Variants in ARNT observed in about 807,000 individuals in gnomAD.
ARNT encodes the protein class E basic helix-loop-helix protein 2.
ARNT carries 30 observed loss-of-function variants against 105.0 expected under a neutral mutation model. That is an observed-to-expected ratio of 0.29 (90% CI 0.21 to 0.39). ARNT has a LOEUF of 0.39. ARNT is among the 10% of genes least tolerant of loss of function. The pLI, the probability that ARNT is intolerant of heterozygous loss-of-function variation, is 1.00. For missense variants in ARNT, 748 were observed against 978.7 expected (o/e 0.76, Z 3.15); for synonymous variants, 304 against 344.0 (o/e 0.88, Z 1.29).
At chr1:150,873,400 A>G (rs768627551) in intron 1 of ARNT, among the ~76,000 whole-genome samples, 3 of 152,208 alleles carry the variant, frequency 2.0e-5, no homozygotes, top group Non-Finnish European at 4.4e-5. Context: ...CTTGCCAGTG[A>G]TAAGTAGAAC....
At chr1:150,842,339 AAG>A (rs2101992176) in intron 5 of ARNT, 83 bp downstream of exon 5, 1 of 1,543,858 alleles carries the variant, frequency 6.5e-7, no homozygotes, top group East Asian at 2.3e-5. Context: ...TACAAAGAGA[AAG>A]GGGAAGAAAA....
intron 14 of ARNT, among the ~76,000 whole-genome samples, chr1:150,819,527 G>A (rs754622824): frequency 7.9e-5 from 12 of 152,004 alleles, no homozygotes; most frequent in Non-Finnish European, 1.6e-4. Context: ...GTCCATTAAC[G>A]AACATACAGA....
chr1:150,832,118 T>C (rs1347752187), intron 9 of ARNT, among the ~76,000 whole-genome samples: 1 of 152,116 alleles, frequency 6.6e-6, no homozygotes, highest in African/African-American at 2.4e-5. Flanking sequence ...TAAAATAGCA[T>C]AGCGACTTCC....
intron 14 of ARNT, among the ~76,000 whole-genome samples, chr1:150,818,745 T>G (rs1424599042): frequency 1.3e-5 from 1 of 74,572 alleles, no homozygotes; most frequent in Non-Finnish European, 2.6e-5. Flanking sequence ...TGAGACACTG[T>G]CTCAATGAAA....
intron 13 of ARNT, among the ~76,000 whole-genome samples, chr1:150,825,685 C>T (rs1322814688): frequency 6.6e-6 from 1 of 151,966 alleles, no homozygotes; most frequent in Non-Finnish European, 1.5e-5. Flanking sequence ...CCCGCCTCTA[C>T]TAAAAATACA....
At chr1:150,855,207 AT>A (rs1664368160) in intron 2 of ARNT, among the ~76,000 whole-genome samples, 1 of 152,148 alleles carries the variant, frequency 6.6e-6, no homozygotes, top group African/African-American at 2.4e-5. Context: ...CTTCAAAACA[AT>A]TTAGATGTCC....
Position 150,810,855 on chromosome 1 carries a change from G to A in ARNT, c.*1166C>T, listed in dbSNP as rs1275964840. 2 of 223,506 alleles carry A rather than the reference G, an allele frequency of 8.9e-6. No individual in the cohort carries two copies. Among genetic ancestry groups the A allele is most frequent in the African/African-American group, 4.5e-5 (2 of 44,752 alleles). 13.8% of individuals were successfully genotyped at this position (223,506 alleles called of 1,614,324 possible). ...GGGAGCAAAGAGGAAAAACCTCTTA[G>A]GGCCAGAGAGACTTAAATCTCAGTT... On this transcript the variant is annotated 3_prime_UTR_variant, in exon 22 of 22. Coordinates refer to ENST00000358595, the MANE Select transcript of ARNT (RefSeq NM_001668.4).
intron 2 of ARNT, among the ~76,000 whole-genome samples, chr1:150,855,086 G>A (rs993254010): frequency 4.6e-5 from 7 of 151,986 alleles, no homozygotes; most frequent in South Asian, 2.1e-4. Context: ...ATGAGCCTCC[G>A]TGCTCAGCCC....
chr1:150,834,915 A>G (rs1660027193), intron 7 of ARNT: 1 of 367,350 alleles, frequency 2.7e-6, no homozygotes, highest in East Asian at 5.5e-5. Flanking sequence ...AACAAGAGGC[A>G]AGGCTATATT....
chr1:150,816,132 A>G, intron 19 of ARNT, 127 bp downstream of exon 19: 1 of 1,228,130 alleles, frequency 8.1e-7, no homozygotes, highest in South Asian at 1.5e-5. Context: ...AAAGATGGAA[A>G]TTGGAAACCG....
At chr1:150,855,763 ATGGT>A (rs1664489802) in intron 2 of ARNT, among the ~76,000 whole-genome samples, 1 of 149,700 alleles carries the variant, frequency 6.7e-6, no homozygotes, top group East Asian at 2.0e-4. Flanking sequence ...ATAGCCAGGT[ATGGT>A]GCCATGTGCC....
intron 1 of ARNT, among the ~76,000 whole-genome samples, chr1:150,863,991 AC>A (rs1368599472): frequency 2.0e-5 from 3 of 152,208 alleles, no homozygotes; most frequent in African/African-American, 7.2e-5. Flanking sequence ...GTATACTTAC[AC>A]AAATCTAGAT....
Position 150,818,033 on chromosome 1 carries a change from A to G in ARNT, c.1395-3T>C. Reference sequence around the variant, plus strand: ...GCCGTGGTTCTTGGCTAGAGTTCCTAGGAAACCAGAGTAGACAGTAAAGAG... The same window carrying G: ...GCCGTGGTTCTTGGCTAGAGTTCCTGGGAAACCAGAGTAGACAGTAAAGAG... On this transcript the variant is annotated splice_region_variant and splice_polypyrimidine_tract_variant and intron_variant, in intron 14 of 21. Coordinates refer to ENST00000358595, the MANE Select transcript of ARNT (RefSeq NM_001668.4). 2 of 1,598,182 alleles carry G rather than the reference A, an allele frequency of 1.3e-6. No homozygotes were observed. The highest frequency in any genetic ancestry group is 2.2e-5 in the South Asian group (2 of 89,958).
Position 150,816,286 on chromosome 1 carries a change from AGG to A in ARNT, c.1921_1922del (p.Pro641TyrfsTer18). 1 of 1,607,402 alleles carries A rather than the reference AGG, an allele frequency of 6.2e-7. No individual in the cohort carries two copies. The highest frequency in any genetic ancestry group is 1.7e-5 in the Admixed American group (1 of 57,812). On this transcript the variant is annotated frameshift_variant, in exon 19 of 22. Transcript: ENST00000358595. LOFTEE classifies it high-confidence loss of function. The stretch of plus-strand genomic sequence containing the variant: ...GGGCAGAAAAGCCTGAGCGGGTAGT[AGG>A]GGTCCAAGTTGGGGTTGCTCCTTGG... ...PTQGATPTWT[P>X]TTRSGFSAQQ... is the part of the protein sequence containing the mutation.
intron 3 of ARNT, among the ~76,000 whole-genome samples, chr1:150,849,683 A>G (rs900560902): frequency 6.6e-6 from 1 of 152,128 alleles, no homozygotes; most frequent in Non-Finnish European, 1.5e-5. Context: ...GGATCGCTTG[A>G]GCCCTGGAGT....
chr1:150,814,111 G>A lies in ARNT; in HGVS notation c.2079C>T (p.Ala693=). ...GAPTASPGAA[A]YPSLTNRGSN... Reference sequence around the variant, plus strand: ...ATCCACGATTGGTGAGACTAGGGTAGGCAGCAGCACCAGGCGATGCAGTTG... The same window carrying A: ...ATCCACGATTGGTGAGACTAGGGTAAGCAGCAGCACCAGGCGATGCAGTTG... The change falls in exon 20 of 22, where the codon GCC becomes GCT. Residue 693 remains alanine (A), a synonymous_variant. Transcript: ENST00000358595. The A allele has an allele frequency of 1.2e-6, 2 of 1,614,182 alleles. No homozygotes were observed. The highest frequency in any genetic ancestry group is 1.7e-6 in the Non-Finnish European group (2 of 1,180,036).
In ARNT at chr1:150,831,971, G is replaced by A. The variant is rs1659434854; in HGVS notation, c.870-68C>T. ...CCCGTAAAACTCAAAGGGCAATGCTGCCTTAGTACTTTTAAGTTTATGCTC... is the reference window on the plus strand; with the variant it reads ...CCCGTAAAACTCAAAGGGCAATGCTACCTTAGTACTTTTAAGTTTATGCTC... On this transcript the variant is annotated intron_variant, in intron 9 of 21. Transcript: ENST00000358595. 7.8e-6 allele frequency: 8 copies of A among 1,021,438 alleles called. No homozygotes were observed. The East Asian group carries it at 1.9e-4, about 25-fold the overall frequency. The allele number at this position is 1,021,438 out of a possible 1,614,324, so 63.3% of individuals were successfully genotyped here.
intron 3 of ARNT, among the ~76,000 whole-genome samples, chr1:150,849,219 A>C (rs1489643401): frequency 6.6e-6 from 1 of 152,110 alleles, no homozygotes; most frequent in Non-Finnish European, 1.5e-5. Context: ...AAAAGAAAGA[A>C]AGAAAATAAA....
intron 3 of ARNT, among the ~76,000 whole-genome samples, chr1:150,852,449 G>C (rs1303096849): frequency 3.3e-5 from 5 of 152,098 alleles, no homozygotes; most frequent in Non-Finnish European, 7.4e-5. Flanking sequence ...AGTGAGTCTA[G>C]GTGAGATAAG....
Sources: gnomAD v4.1 joint callset for allele counts (sites outside exome capture counted in the v4.1 genomes callset) on GRCh38, gnomAD v4.1.1 for gene constraint, MANE v1.5 for transcripts, NCBI Gene and HGNC (gene_info 2026-07-23, HGNC 2026-07-21) for gene names.